Variants in RIOK2 observed in about 807,000 individuals in gnomAD.
RIOK2 encodes serine/threonine-protein kinase RIO2.
A neutral mutation model predicts 62.4 loss-of-function variants in RIOK2; 46 were observed. That is an observed-to-expected ratio of 0.74 (90% confidence interval 0.58 to 0.94). The LOEUF is 0.94. Ranked by LOEUF, RIOK2 falls within the 40% of genes least tolerant of loss-of-function variation. The pLI, the probability that RIOK2 is intolerant of heterozygous loss-of-function variation, is 0.00. For synonymous variants in RIOK2, 197 were observed against 216.0 expected, an observed-to-expected ratio of 0.91 and a Z score of 0.77; for missense variants, 574 against 658.0, an observed-to-expected ratio of 0.87 and a Z score of 1.40.
intron 1 of RIOK2, chr5:97,182,694 C>T (rs1051334520): frequency 2.9e-5 from 6 of 206,692 alleles, no homozygotes; most frequent in African/African-American, 1.4e-4. Context: ...ACTAAAAAAC[C>T]GACAAATATG....
intron 9 of RIOK2, among the ~76,000 whole-genome samples, chr5:97,163,970 G>A (rs532673281): frequency 6.6e-6 from 1 of 152,128 alleles, no homozygotes; most frequent in South Asian, 2.1e-4. Context: ...ACAGTTCACG[G>A]TGGCTGCAAC....
At chr5:97,181,133 G>A (rs981690582) in intron 1 of RIOK2, among the ~76,000 whole-genome samples, 1 of 151,802 alleles carries the variant, frequency 6.6e-6, no homozygotes, top group African/African-American at 2.4e-5. Flanking sequence ...TTAGCTGGGC[G>A]TGGTGGTGTG....
At chr5:97,181,689 T>C (rs1331008371) in intron 1 of RIOK2, among the ~76,000 whole-genome samples, 2 of 152,248 alleles carry the variant, frequency 1.3e-5, no homozygotes, top group African/African-American at 4.8e-5. Flanking sequence ...ATCATTTTGA[T>C]GTCTCACCAA....
intron 1 of RIOK2, among the ~76,000 whole-genome samples, chr5:97,179,964 T>TATATATATATAAA (rs1749292864): frequency 3.2e-4 from 4 of 12,562 alleles, no homozygotes; most frequent in African/African-American, 9.0e-4. Flanking sequence ...AAAAGTATTT[T>TATATATATATAAA]ATATATATAT....
At position 97,167,871 on chromosome 5, in the gene RIOK2, T is replaced by A. The variant is rs368609409; in HGVS notation, c.993A>T (p.Gly331=). The A allele has an allele frequency of 8.1e-5, 131 of 1,613,778 alleles. No individual in the cohort carries two copies. Among genetic ancestry groups the A allele is most frequent in the Non-Finnish European group, 1.1e-4 (129 of 1,180,024 alleles). The change falls in exon 8 of 10, where the codon GGA becomes GGT. Residue 331 remains glycine, a synonymous_variant. Coordinates refer to ENST00000283109, the MANE Select transcript of RIOK2 (RefSeq NM_018343.3). ...PDDKNIETKE[G]SEFSFSDGEV... ...CTCCATCTGAAAATGAGAATTCAGA[T>A]CCCTCTTTTGTTTCAATATTTTTAT...
chr5:97,169,862 G>A (rs1400239068), intron 6 of RIOK2, among the ~76,000 whole-genome samples: 1 of 152,042 alleles, frequency 6.6e-6, no homozygotes, highest in Non-Finnish European at 1.5e-5. Flanking sequence ...TCACACTCTG[G>A]AGGCTCCTAG....
At chr5:97,182,784 G>GGC in intron 1 of RIOK2, 1 of 236,638 alleles carries the variant, frequency 4.2e-6, no homozygotes, top group Non-Finnish European at 8.5e-6. Flanking sequence ...ATCTCGGGGG[G>GGC]GGGGGGGGGC....
intron 5 of RIOK2, 71 bp downstream of exon 5, chr5:97,173,104 A>AT: frequency 8.7e-7 from 1 of 1,142,902 alleles, no homozygotes; most frequent in Non-Finnish European, 1.2e-6. Flanking sequence ...ACTAAAAAAA[A>AT]TTTTATTAAA....
chr5:97,179,966 T>TATATATATA (rs1749293982), intron 1 of RIOK2, among the ~76,000 whole-genome samples: 31 of 42,684 alleles, frequency 7.3e-4, no homozygotes, highest in African/African-American at 2.3e-3. Flanking sequence ...AAGTATTTTA[T>TATATATATA]ATATATATAT....
At chr5:97,182,952 C>T (rs760514816) in intron 1 of RIOK2, 174 bp downstream of exon 1, 80 of 759,270 alleles carry the variant, frequency 1.1e-4, no homozygotes, top group Admixed American at 4.0e-4. Flanking sequence ...GGTAAGCTCC[C>T]AAACAAAACC....
Position 97,162,901 on chromosome 5 carries a change from T to C in RIOK2, c.*160A>G, listed in dbSNP as rs1179144145. On this transcript the variant is annotated 3_prime_UTR_variant, in exon 10 of 10. Coordinates refer to ENST00000283109, the MANE Select transcript of RIOK2 (RefSeq NM_018343.3). The stretch of plus-strand genomic sequence containing the variant: ...AATGGACTGCTTTGGCAGGTAATTA[T>C]TCTTTGCAAGACACATACTGAATGA... 1 of 583,068 alleles carries C rather than the reference T, an allele frequency of 1.7e-6. No individual in the cohort carries two copies. The highest frequency in any genetic ancestry group is 3.0e-5 in the East Asian group (1 of 32,912). 36.1% of individuals were successfully genotyped at this position (583,068 alleles called of 1,614,324 possible). A position where few individuals can be genotyped will look rare whatever the true frequency, so the allele number is the denominator to read the frequency against.
chr5:97,165,773 G>A (rs1748829818), intron 8 of RIOK2, among the ~76,000 whole-genome samples: 1 of 152,176 alleles, frequency 6.6e-6, no homozygotes, highest in African/African-American at 2.4e-5. Flanking sequence ...TTCCCATTCT[G>A]AGTTTAAAAG....
intron 4 of RIOK2, among the ~76,000 whole-genome samples, chr5:97,176,477 G>A (rs547820076): frequency 8.3e-4 from 126 of 152,186 alleles, no homozygotes; most frequent in Non-Finnish European, 1.7e-3. Flanking sequence ...AAGTAGCTGG[G>A]ATTACAGGTG....
intron 2 of RIOK2, chr5:97,178,844 A>G (rs1024245405): frequency 1.8e-5 from 11 of 608,782 alleles, no homozygotes; most frequent in Non-Finnish European, 3.2e-5. Flanking sequence ...CAGTACCTAC[A>G]TGTTCTTACT....
At chr5:97,167,126 T>C (rs936456007) in intron 8 of RIOK2, 3 of 822,988 alleles carry the variant, frequency 3.6e-6, no homozygotes, top group Non-Finnish European at 4.6e-6. Context: ...CATGTTGGCC[T>C]GGCTGGTCTC....
chr5:97,171,424 G>T, intron 5 of RIOK2, 27 bp from the exon 6 acceptor site: 2 of 1,439,344 alleles, frequency 1.4e-6, no homozygotes, highest in Non-Finnish European at 1.9e-6. Flanking sequence ...CATGAAAATA[G>T]GTTACTTGTG....
chr5:97,163,447 A>C (rs1561514581), intron 9 of RIOK2, among the ~76,000 whole-genome samples: 2 of 152,244 alleles, frequency 1.3e-5, no homozygotes, highest in South Asian at 4.1e-4. Flanking sequence ...AAAAATTACC[A>C]TAGTGCCACC....
chr5:97,171,278 A>C lies in RIOK2; in HGVS notation c.707T>G (p.Leu236Trp), dbSNP rs1213793713. 43 of 1,607,980 alleles carry C rather than the reference A, an allele frequency of 2.7e-5. No homozygotes were observed. Among genetic ancestry groups the C allele is most frequent in the Non-Finnish European group, 3.7e-5 (43 of 1,177,324 alleles). ...HGDFNEFNLI[L>W]DESDHITMID... Reference sequence around the variant, plus strand: ...CATGGTGATATGGTCACTTTCATCCAAAATGAGATTAAATTCATTAAAATC... The same window carrying C: ...CATGGTGATATGGTCACTTTCATCCCAAATGAGATTAAATTCATTAAAATC... Residue 236 changes from leucine (L) to tryptophan (W), a missense_variant, in exon 6 of 10, where the codon TTG becomes TGG. Leu to Trp is a moderately conservative substitution (Grantham distance 61). Transcript: ENST00000283109.
At chr5:97,181,108 C>G (rs1465155161) in intron 1 of RIOK2, among the ~76,000 whole-genome samples, 2 of 151,750 alleles carry the variant, frequency 1.3e-5, no homozygotes, top group African/African-American at 4.8e-5. Context: ...CCCATCTCTA[C>G]TAAAAATACA....
Sources: gnomAD v4.1 joint callset for allele counts (sites outside exome capture counted in the v4.1 genomes callset) on GRCh38, gnomAD v4.1.1 for gene constraint, MANE v1.5 for transcripts, NCBI Gene and HGNC (gene_info 2026-07-23, HGNC 2026-07-21) for gene names.